The following CLCN5 variants were observed in gnomAD, a reference collection of about 807,000 sequenced individuals.
CLCN5 encodes the protein H(+)/Cl(-) exchange transporter 5.
CLCN5 carries 17 observed loss-of-function variants against 54.0 expected under a neutral mutation model. The observed-to-expected ratio is 0.31, with a 90% confidence interval of 0.22 to 0.47. CLCN5 has a LOEUF of 0.47. CLCN5 is among the 20% of genes least tolerant of loss of function. CLCN5 has a pLI of 1.00. For synonymous variants in CLCN5, 222 were observed against 233.0 expected, an observed-to-expected ratio of 0.95 and a Z score of 0.43; for missense variants, 448 against 646.7, an observed-to-expected ratio of 0.69 and a Z score of 3.33.
intron 2 of CLCN5, chrX:49,923,696 G>A (rs1179580909): frequency 8.9e-6 from 1 of 112,383 alleles, no homozygotes; most frequent in Non-Finnish European, 1.9e-5. Flanking sequence ...AGGTCTCAGA[G>A]AAGTCATCGG....
At chrX:50,048,499 C>T (rs1170326679) in intron 4 of CLCN5, among the ~76,000 whole-genome samples, 2 of 112,629 alleles carry the variant, frequency 1.8e-5, no homozygotes, top group African/African-American at 6.5e-5. Context: ...ATTTATTTAT[C>T]TATTAAATCA....
chrX:49,988,918 C>T (rs1221762907), intron 3 of CLCN5, among the ~76,000 whole-genome samples: 4 of 110,593 alleles, frequency 3.6e-5, no homozygotes, highest in African/African-American at 1.3e-4. Flanking sequence ...CTTGGACTCT[C>T]CCTGTCCTAG....
At chrX:50,019,373 C>T (rs1191232130) in intron 3 of CLCN5, among the ~76,000 whole-genome samples, 1 of 106,516 alleles carries the variant, frequency 9.4e-6, no homozygotes, top group African/African-American at 3.4e-5. Context: ...TTAATACATA[C>T]AATGTATCAC....
At chrX:49,937,350 C>T (rs372942296) in intron 3 of CLCN5, among the ~76,000 whole-genome samples, 4 of 111,693 alleles carry the variant, frequency 3.6e-5, no homozygotes, top group African/African-American at 1.3e-4. Context: ...GTACACTGCT[C>T]GACTTGTTTA....
At chrX:49,977,381 T>G (rs2147336007) in intron 3 of CLCN5, among the ~76,000 whole-genome samples, 1 of 111,836 alleles carries the variant, frequency 8.9e-6, no homozygotes, top group South Asian at 3.8e-4. Flanking sequence ...AGTGCACACT[T>G]CACAGCCCAG....
At chrX:50,052,493 G>T (rs1281964057) in intron 4 of CLCN5, among the ~76,000 whole-genome samples, 1 of 111,544 alleles carries the variant, frequency 9.0e-6, no homozygotes, top group African/African-American at 3.3e-5. Flanking sequence ...GTATTAATCT[G>T]TAGTTTTCCT....
intron 4 of CLCN5, among the ~76,000 whole-genome samples, chrX:50,063,149 A>C (rs1246495743): frequency 2.0e-5 from 2 of 101,166 alleles, no homozygotes; most frequent in African/African-American, 7.6e-5. Flanking sequence ...GGCAAGAAAT[A>C]ACTAAAATCA....
At position 50,094,271 on chromosome X, in the gene CLCN5, A is replaced by G. The variant is rs943789601; in HGVS notation, c.*2052A>G. 9.0e-6 allele frequency: 1 copy of G among 111,714 alleles called. No homozygotes were observed. Among genetic ancestry groups the G allele is most frequent in the Non-Finnish European group, 1.9e-5 (1 of 53,165 alleles). 9.2% of individuals were successfully genotyped at this position (111,714 alleles called of 1,213,427 possible). A position where few individuals can be genotyped will look rare whatever the true frequency, so the allele number is the denominator to read the frequency against. On this transcript the variant is annotated 3_prime_UTR_variant, in exon 15 of 15. Coordinates refer to ENST00000376091, the MANE Select transcript of CLCN5 (RefSeq NM_001127898.4). ...AAAAAGAAAAAAATCTTTCTGGGGTATGTTGTATCATAGTAATGGCTCAGT... is the reference window on the plus strand; with the variant it reads ...AAAAAGAAAAAAATCTTTCTGGGGTGTGTTGTATCATAGTAATGGCTCAGT...
intron 3 of CLCN5, among the ~76,000 whole-genome samples, chrX:49,999,333 G>A: frequency 9.0e-6 from 1 of 110,645 alleles, no homozygotes; most frequent in East Asian, 2.9e-4. Context: ...TTTCTGAGCT[G>A]TGCCCTGCCT....
rs782582465 is a variant in CLCN5 at position 50,080,849 on chromosome X, A to G, written c.726+133A>G. The stretch of plus-strand genomic sequence containing the variant: ...GGATCAGATCCTGAGGCCATCTAAG[A>G]CCTAGGTCTTTCCACAAGTCCCTCT... On this transcript the variant is annotated intron_variant, in intron 8 of 14. Transcript: ENST00000376091. 39 of 554,248 alleles carry G rather than the reference A, an allele frequency of 7.0e-5. 1 individual carries two copies. The South Asian group carries it at 1.0e-3, about 14-fold the overall frequency. The allele number at this position is 554,248 out of a possible 1,213,427, so 45.7% of individuals were successfully genotyped here. A position where few individuals can be genotyped will look rare whatever the true frequency, so the allele number is the denominator to read the frequency against.
intron 3 of CLCN5, among the ~76,000 whole-genome samples, chrX:49,989,411 T>A (rs1929148113): frequency 8.9e-6 from 1 of 112,053 alleles, no homozygotes; most frequent in Admixed American, 9.4e-5. Context: ...AAAAACGTAT[T>A]ATATCCTAGC....
chrX:49,988,173 T>G (rs1557178485), intron 3 of CLCN5, among the ~76,000 whole-genome samples: 1 of 110,782 alleles, frequency 9.0e-6, no homozygotes, highest in Non-Finnish European at 1.9e-5. Context: ...AGAGTCCTGT[T>G]TTTCCTTTTT....
chrX:50,028,433 T>C (rs1931529613), intron 3 of CLCN5, among the ~76,000 whole-genome samples: 1 of 111,975 alleles, frequency 8.9e-6, no homozygotes, highest in African/African-American at 3.2e-5. Context: ...CTGGGCTCCC[T>C]GGAGTTTTTA....
chrX:49,953,328 C>T (rs1927149678), intron 3 of CLCN5, among the ~76,000 whole-genome samples: 1 of 111,589 alleles, frequency 9.0e-6, no homozygotes, highest in Non-Finnish European at 1.9e-5. Flanking sequence ...TTGTTTGAGA[C>T]GAGGTCTCAC....
chrX:50,080,335 G>A (rs781855774), intron 7 of CLCN5, among the ~76,000 whole-genome samples: 1 of 111,557 alleles, frequency 9.0e-6, no homozygotes, highest in Admixed American at 9.5e-5. Flanking sequence ...ATGGTTTTCC[G>A]TTTGCTCTTT....
chrX:50,028,191 T>C (rs1931517585), intron 3 of CLCN5, among the ~76,000 whole-genome samples: 1 of 111,844 alleles, frequency 8.9e-6, no homozygotes, highest in East Asian at 2.8e-4. Context: ...TGGTGGGAGA[T>C]AGAATTAGAT....
chrX:50,089,807 C>T (rs1033632629), intron 12 of CLCN5, among the ~76,000 whole-genome samples: 1 of 111,856 alleles, frequency 8.9e-6, no homozygotes, highest in Non-Finnish European at 1.9e-5. Context: ...ATCACTTAAG[C>T]CTGGAAGATG....
At chrX:50,046,786 G>T (rs1163779690) in intron 4 of CLCN5, among the ~76,000 whole-genome samples, 1 of 111,304 alleles carries the variant, frequency 9.0e-6, no homozygotes, top group Non-Finnish European at 1.9e-5. Flanking sequence ...AGTGAAACTT[G>T]TTTTTTTGTA....
At position 50,095,776 on chromosome X, in the gene CLCN5, A is replaced by G. The variant is rs1296779751; in HGVS notation, c.*3557A>G. ...ATGTGAGGGGGGCAAATATGTTTTC[A>G]AAAACTTAGTGTGCAATAGAGTCCA... On this transcript the variant is annotated 3_prime_UTR_variant, in exon 15 of 15. Coordinates refer to ENST00000376091, the MANE Select transcript of CLCN5 (RefSeq NM_001127898.4). 1.8e-5 allele frequency: 2 copies of G among 112,393 alleles called. No individual in the cohort carries two copies. Among genetic ancestry groups the G allele is most frequent in the East Asian group, 2.8e-4 (1 of 3,601 alleles). 9.3% of individuals were successfully genotyped at this position (112,393 alleles called of 1,213,427 possible).
Sources: gnomAD v4.1 joint callset for allele counts (sites outside exome capture counted in the v4.1 genomes callset) on GRCh38, gnomAD v4.1.1 for gene constraint, MANE v1.5 for transcripts, NCBI Gene and HGNC (gene_info 2026-07-23, HGNC 2026-07-21) for gene names.